Variants in PARN observed in about 807,000 individuals in gnomAD.
PARN encodes the protein poly(A)-specific ribonuclease, also known as poly(A)-specific ribonuclease PARN.
Under a neutral mutation model 102.8 loss-of-function variants are expected in PARN, and 71 were observed. The ratio of observed to expected loss-of-function variants is 0.69; its 90% CI spans 0.57 to 0.84. PARN has a LOEUF of 0.84. Ranked by LOEUF, PARN falls within the 40% of genes least tolerant of loss-of-function variation. PARN has a pLI of 0.00. For missense variants in PARN, 782 were observed against 760.9 expected (o/e 1.03, Z -0.33); for synonymous variants, 261 against 252.9 (o/e 1.03, Z -0.30).
At position 14,600,855 on chromosome 16, in the gene PARN, G is replaced by A. The variant is rs141087783; in HGVS notation, c.784-895C>T. On this transcript the variant is annotated intron_variant, in intron 11 of 23. Coordinates refer to ENST00000437198, the MANE Select transcript of PARN (RefSeq NM_002582.4). ...TGAGGCAGGAGAATCGCTTGAACCC[G>A]GGAGACGGAGGTTGCATGCTGTAAG... Among the ~76,000 whole-genome samples, 789 of 152,138 alleles carry A rather than the reference G, an allele frequency of 5.2e-3. 5 individuals are homozygous for A. Among genetic ancestry groups the A allele is most frequent in the Non-Finnish European group, 6.9e-3 (472 of 67,996 alleles).
At chr16:14,603,742 T>C (rs1971013659) in intron 11 of PARN, among the ~76,000 whole-genome samples, 1 of 152,240 alleles carries the variant, frequency 6.6e-6, no homozygotes, top group Non-Finnish European at 1.5e-5. Context: ...AGCAGGGTGA[T>C]GTTCCAACAG....
At chr16:14,596,485 A>C (rs1233272862) in intron 12 of PARN, among the ~76,000 whole-genome samples, 1 of 152,066 alleles carries the variant, frequency 6.6e-6, no homozygotes, top group Non-Finnish European at 1.5e-5. Context: ...CTATAATCCA[A>C]ATACTTTGGG....
intron 16 of PARN, among the ~76,000 whole-genome samples, chr16:14,582,538 C>G (rs1333315899): frequency 6.6e-6 from 1 of 152,090 alleles, no homozygotes; most frequent in Non-Finnish European, 1.5e-5. Context: ...CGTGGGCTTT[C>G]TCGTCCCACA....
intron 21 of PARN, among the ~76,000 whole-genome samples, chr16:14,519,836 T>C (rs1965647284): frequency 6.6e-6 from 1 of 152,216 alleles, no homozygotes; most frequent in Non-Finnish European, 1.5e-5. Context: ...TCTTTATAGA[T>C]ATATTCCAAC....
intron 21 of PARN, among the ~76,000 whole-genome samples, chr16:14,538,828 T>A (rs1966727364): frequency 6.6e-6 from 1 of 152,132 alleles, no homozygotes; most frequent in Admixed American, 6.5e-5. Flanking sequence ...ATCGCTCGCA[T>A]TACCACCTAA....
intron 18 of PARN, among the ~76,000 whole-genome samples, chr16:14,562,208 G>A (rs1968110204): frequency 1.3e-5 from 2 of 151,998 alleles, no homozygotes; most frequent in African/African-American, 2.4e-5. Flanking sequence ...CAAGCATAGT[G>A]GCTCATGCCC....
intron 10 of PARN, among the ~76,000 whole-genome samples, chr16:14,604,596 A>C (rs1441094245): frequency 2.0e-5 from 3 of 151,844 alleles, no homozygotes; most frequent in African/African-American, 7.3e-5. Context: ...AACTTAATCC[A>C]AAAAATTCAG....
At position 14,600,382 on chromosome 16, in the gene PARN, AT is replaced by A. The variant is rs201067148; in HGVS notation, c.784-423del. 2.4e-3 allele frequency among the ~76,000 whole-genome samples: 364 copies of A among 152,042 alleles called. 3 individuals carry two copies. Among genetic ancestry groups the A allele is most frequent in the African/African-American group, 7.2e-3 (299 of 41,470 alleles). ...AAATCAAGTATTTTCATAATTCCTG[AT>A]TTTTTTTCCTCGAAAAATACATTTT... is the stretch of plus-strand genomic sequence containing the variant. On this transcript the variant is annotated intron_variant, in intron 11 of 23. Transcript: ENST00000437198.
intron 22 of PARN, among the ~76,000 whole-genome samples, chr16:14,464,511 T>C (rs1962204692): frequency 6.6e-6 from 1 of 151,956 alleles, no homozygotes; most frequent in Non-Finnish European, 1.5e-5. Flanking sequence ...ATCCCAGCAT[T>C]TTGGGAGGCT....
At chr16:14,581,238 G>T (rs1009407420) in intron 17 of PARN, among the ~76,000 whole-genome samples, 1 of 152,058 alleles carries the variant, frequency 6.6e-6, no homozygotes, top group Non-Finnish European at 1.5e-5. Flanking sequence ...TTTTAGTGGA[G>T]ACAGGGTTTT....
intron 18 of PARN, chr16:14,564,920 T>C (rs963872970): frequency 3.3e-5 from 5 of 152,158 alleles, no homozygotes; most frequent in African/African-American, 7.2e-5. Flanking sequence ...TACAGAAATG[T>C]TGAATACAAT....
intron 23 of PARN, among the ~76,000 whole-genome samples, chr16:14,445,709 T>C (rs975723593): frequency 2.6e-5 from 4 of 152,212 alleles, no homozygotes; most frequent in African/African-American, 9.7e-5. Context: ...ACTACCGGCA[T>C]GCGCCACCAC....
rs1240171187 is a variant in PARN, at chr16:14,436,740, A to C, written c.1897T>G (p.Phe633Val). 6.2e-7 allele frequency: 1 copy of C among 1,600,994 alleles called. No individual in the cohort carries two copies. The highest frequency in any genetic ancestry group is 1.3e-5 in the African/African-American group (1 of 74,742). ...GGTTACCATGTGTCAGGAACTTCAA[A>C]GAGTGTGGCAGGGCTGTTCTTCGAG... ...SISKNSPATL[F>V]EVPDTW The change falls in exon 24 of 24, where the codon TTT (phenylalanine) becomes GTT (valine). Residue 633 changes from phenylalanine (F) to valine (V), a missense_variant. By Grantham distance (50) the Phe-to-Val change is conservative. Transcript: ENST00000437198.
At chr16:14,550,166 C>T (rs1337445637) in intron 21 of PARN, among the ~76,000 whole-genome samples, 1 of 152,124 alleles carries the variant, frequency 6.6e-6, no homozygotes, top group Admixed American at 6.5e-5. Flanking sequence ...CCACCCCCAC[C>T]TAAAGTTATC....
intron 22 of PARN, among the ~76,000 whole-genome samples, chr16:14,466,391 A>C (rs564454118): frequency 6.6e-6 from 1 of 152,332 alleles, no homozygotes. Flanking sequence ...GTGAAAAATC[A>C]CTACTGCGAT....
At chr16:14,585,500 C>A (rs1404465142) in intron 14 of PARN, among the ~76,000 whole-genome samples, 1 of 151,580 alleles carries the variant, frequency 6.6e-6, no homozygotes, top group African/African-American at 2.4e-5. Context: ...AACACTTGTT[C>A]GGTAGGCTCC....
At chr16:14,523,359 C>T (rs980002738) in intron 21 of PARN, among the ~76,000 whole-genome samples, 15 of 151,816 alleles carry the variant, frequency 9.9e-5, no homozygotes, top group Non-Finnish European at 1.5e-5. Flanking sequence ...TCTGACAAAC[C>T]CTACACTTAA....
chr16:14,443,065 TCA>T (rs1396062928), intron 23 of PARN, among the ~76,000 whole-genome samples: 1 of 152,218 alleles, frequency 6.6e-6, no homozygotes, highest in Non-Finnish European at 1.5e-5. Flanking sequence ...ACTCTAAGCC[TCA>T]GTTTCCTCTG....
intron 1 of PARN, 117 bp from the exon 2 acceptor site, chr16:14,629,791 G>A (rs1264986679): frequency 7.5e-6 from 6 of 798,692 alleles, no homozygotes; most frequent in East Asian, 2.5e-5. Flanking sequence ...AAGTCCCGGA[G>A]GTGTGCACCG....
Sources: gnomAD v4.1 joint callset for allele counts (sites outside exome capture counted in the v4.1 genomes callset) on GRCh38, gnomAD v4.1.1 for gene constraint, MANE v1.5 for transcripts, NCBI Gene and HGNC (gene_info 2026-07-23, HGNC 2026-07-21) for gene names.